The following FAF1 variants were observed in gnomAD, a reference collection of about 807,000 sequenced individuals.
The protein encoded by FAF1 is Fas associated factor 1.
FAF1 carries 25 observed loss-of-function variants against 92.5 expected under a neutral mutation model. That is an observed-to-expected ratio of 0.27 (90% CI 0.20 to 0.38). The LOEUF (loss-of-function observed/expected upper bound fraction) is 0.38, where lower values mean the gene tolerates loss of function less well. FAF1 is among the 10% of genes least tolerant of loss of function. FAF1 has a pLI of 1.00. For missense variants in FAF1, 636 were observed against 793.3 expected, an observed-to-expected ratio of 0.80 and a Z score of 2.38; for synonymous variants, 234 against 273.2, an observed-to-expected ratio of 0.86 and a Z score of 1.42.
chr1:50,693,061 T>C (rs1657010956), intron 7 of FAF1, among the ~76,000 whole-genome samples: 1 of 152,350 alleles, frequency 6.6e-6, no homozygotes, highest in Non-Finnish European at 1.5e-5. Flanking sequence ...ACTAAAGTTT[T>C]TAATTTTGAT....
At chr1:50,675,606 C>T (rs1390364483) in intron 7 of FAF1, among the ~76,000 whole-genome samples, 1 of 152,144 alleles carries the variant, frequency 6.6e-6, no homozygotes, top group Non-Finnish European at 1.5e-5. Flanking sequence ...AAATGTGAAA[C>T]CTCCTAACTT....
chr1:50,952,608 A>C (rs1176644493), intron 1 of FAF1, among the ~76,000 whole-genome samples: 8 of 135,846 alleles, frequency 5.9e-5, no homozygotes, highest in Admixed American at 1.4e-4. Flanking sequence ...CCAGCCGCCC[A>C]GTCTGGGAAG....
intron 1 of FAF1, among the ~76,000 whole-genome samples, chr1:50,862,556 C>T (rs1313227089): frequency 1.3e-5 from 2 of 151,678 alleles, no homozygotes; most frequent in East Asian, 3.9e-4. Context: ...ATACTAACAT[C>T]AAACGTAAAT....
At chr1:50,873,205 A>C (rs1463999227) in intron 1 of FAF1, among the ~76,000 whole-genome samples, 1 of 152,230 alleles carries the variant, frequency 6.6e-6, no homozygotes, top group African/African-American at 2.4e-5. Context: ...GCTACTGCAC[A>C]CTTAATGGGC....
At chr1:50,723,617 C>G (rs1324080647) in intron 6 of FAF1, among the ~76,000 whole-genome samples, 3 of 152,048 alleles carry the variant, frequency 2.0e-5, no homozygotes, top group African/African-American at 4.8e-5. Context: ...GTATGAATAT[C>G]AATACACATT....
Position 50,605,061 on chromosome 1 carries a change from T to G in FAF1, c.745-8845A>C, listed in dbSNP as rs1057184805. Among the ~76,000 whole-genome samples the G allele has an allele frequency of 6.6e-5, 10 of 152,208 alleles. No homozygotes were observed. In the East Asian group the frequency reaches 1.5e-3, roughly 23 times the overall value. ...TACCCACTTTTATGCTTCCTTATAC[T>G]GTCCCAACATTATCTTGAGATTTTG... On this transcript the variant is annotated intron_variant, in intron 8 of 18. Coordinates refer to ENST00000396153, the MANE Select transcript of FAF1 (RefSeq NM_007051.3).
At chr1:50,959,428 C>T (rs1385544693) in intron 1 of FAF1, among the ~76,000 whole-genome samples, 1 of 152,124 alleles carries the variant, frequency 6.6e-6, no homozygotes, top group Admixed American at 6.6e-5. Flanking sequence ...CCACCCAAAA[C>T]ATCCCATACT....
chr1:50,707,307 T>C (rs988286301), intron 6 of FAF1, among the ~76,000 whole-genome samples: 6 of 151,982 alleles, frequency 3.9e-5, no homozygotes, highest in Admixed American at 6.6e-5. Flanking sequence ...CACCAATATA[T>C]GTAACATGAA....
chr1:50,671,094 A>T (rs1438908491), intron 7 of FAF1, among the ~76,000 whole-genome samples: 1 of 152,150 alleles, frequency 6.6e-6, no homozygotes, highest in Non-Finnish European at 1.5e-5. Flanking sequence ...AATAGTCTAA[A>T]CATTCTTAGT....
chr1:50,641,546 T>C (rs1654327929), intron 8 of FAF1, among the ~76,000 whole-genome samples: 1 of 152,244 alleles, frequency 6.6e-6, no homozygotes, highest in Non-Finnish European at 1.5e-5. Flanking sequence ...GTGATAATAT[T>C]AATTACAATC....
intron 8 of FAF1, among the ~76,000 whole-genome samples, chr1:50,608,418 G>A (rs936958239): frequency 2.6e-5 from 4 of 152,146 alleles, no homozygotes; most frequent in Non-Finnish European, 4.4e-5. Flanking sequence ...CCCAAAGGAG[G>A]GGAAAGCCAA....
intron 8 of FAF1, among the ~76,000 whole-genome samples, chr1:50,637,233 C>T (rs903958465): frequency 1.3e-4 from 17 of 134,980 alleles, no homozygotes; most frequent in African/African-American, 3.4e-4. Flanking sequence ...GTCAGGAGTA[C>T]GAGACCAGCC....
intron 18 of FAF1, among the ~76,000 whole-genome samples, chr1:50,472,896 AGAG>A (rs1257205773): frequency 6.6e-6 from 1 of 152,190 alleles, no homozygotes; most frequent in Non-Finnish European, 1.5e-5. Context: ...AAGAGAATTC[AGAG>A]AAGAATGAAG....
intron 13 of FAF1, among the ~76,000 whole-genome samples, chr1:50,556,594 G>A (rs893431708): frequency 6.6e-6 from 1 of 152,144 alleles, no homozygotes; most frequent in African/African-American, 2.4e-5. Flanking sequence ...CCAGCACTTT[G>A]GGAGGCTGAG....
At chr1:50,942,619 T>G (rs969867657) in intron 1 of FAF1, among the ~76,000 whole-genome samples, 1 of 152,220 alleles carries the variant, frequency 6.6e-6, no homozygotes, top group African/African-American at 2.4e-5. Flanking sequence ...TCCACCCTAC[T>G]TACTGGCAAG....
intron 3 of FAF1, among the ~76,000 whole-genome samples, chr1:50,799,396 C>T (rs1661888758): frequency 6.6e-6 from 1 of 152,094 alleles, no homozygotes; most frequent in African/African-American, 2.4e-5. Context: ...AAAAAAGTTT[C>T]TTTCCCTTGG....
At chr1:50,942,493 T>A (rs527264124) in intron 1 of FAF1, among the ~76,000 whole-genome samples, 1 of 151,942 alleles carries the variant, frequency 6.6e-6, no homozygotes, top group South Asian at 2.1e-4. Flanking sequence ...GGGAAGGGAA[T>A]TAAATGTTCA....
At chr1:50,630,333 G>A (rs1207618823) in intron 8 of FAF1, among the ~76,000 whole-genome samples, 1 of 152,114 alleles carries the variant, frequency 6.6e-6, no homozygotes, top group Non-Finnish European at 1.5e-5. Flanking sequence ...ATGTCATACT[G>A]TAAAAGGCTA....
intron 4 of FAF1, among the ~76,000 whole-genome samples, chr1:50,769,760 C>A (rs1038254182): frequency 6.6e-6 from 1 of 152,064 alleles, no homozygotes; most frequent in Non-Finnish European, 1.5e-5. Flanking sequence ...ACGTTAAAAA[C>A]CCTCAACAGG....
Sources: gnomAD v4.1 joint callset for allele counts (sites outside exome capture counted in the v4.1 genomes callset) on GRCh38, gnomAD v4.1.1 for gene constraint, MANE v1.5 for transcripts, NCBI Gene and HGNC (gene_info 2026-07-23, HGNC 2026-07-21) for gene names.